The following ERBB4 variants were observed in gnomAD, a reference collection of about 807,000 sequenced individuals.
The protein encoded by ERBB4 is erb-b2 receptor tyrosine kinase 4.
ERBB4 carries 42 observed loss-of-function variants against 158.0 expected under a neutral mutation model. That is an observed-to-expected ratio of 0.27 (90% CI 0.21 to 0.34). ERBB4 has a LOEUF of 0.34. Ranked by LOEUF, ERBB4 falls within the 10% of genes least tolerant of loss-of-function variation. ERBB4 has a pLI of 1.00. For synonymous variants in ERBB4, 583 were observed against 558.7 expected, an observed-to-expected ratio of 1.04 and a Z score of -0.61; for missense variants, 1,333 against 1,624.1, an observed-to-expected ratio of 0.82 and a Z score of 3.08.
intron 1 of ERBB4, among the ~76,000 whole-genome samples, chr2:212,279,890 A>G (rs372447333): frequency 4.0e-5 from 6 of 151,668 alleles, no homozygotes; most frequent in African/African-American, 1.4e-4. Context: ...ATATAGGCCA[A>G]AAATGTTTAA....
intron 2 of ERBB4, among the ~76,000 whole-genome samples, chr2:212,100,601 A>G (rs2079055427): frequency 6.6e-6 from 1 of 152,202 alleles, no homozygotes; most frequent in East Asian, 1.9e-4. Flanking sequence ...GTGCTAAGGT[A>G]CAGGATACAA....
At chr2:212,284,020 T>C (rs2085861872) in intron 1 of ERBB4, among the ~76,000 whole-genome samples, 1 of 150,952 alleles carries the variant, frequency 6.6e-6, no homozygotes, top group South Asian at 2.1e-4. Flanking sequence ...CCAAAATTTT[T>C]TTTCTGGGTA....
chr2:212,349,648 C>G (rs1245852109), intron 1 of ERBB4, among the ~76,000 whole-genome samples: 2 of 151,982 alleles, frequency 1.3e-5, no homozygotes, highest in Non-Finnish European at 2.9e-5. Context: ...CTTTTTATTT[C>G]CTGGATGCAA....
chr2:211,839,846 C>T (rs750783472), intron 3 of ERBB4, among the ~76,000 whole-genome samples: 3 of 151,948 alleles, frequency 2.0e-5, no homozygotes, highest in African/African-American at 4.8e-5. Flanking sequence ...ACAAAAAGAC[C>T]TACTGGGTTA....
chr2:211,717,841 A>G (rs894617746), intron 7 of ERBB4, among the ~76,000 whole-genome samples: 5 of 152,284 alleles, frequency 3.3e-5, no homozygotes, highest in African/African-American at 1.2e-4. Context: ...AAAATAAAAA[A>G]TCTACCCCCC....
At chr2:212,378,260 T>C (rs934809259) in intron 1 of ERBB4, among the ~76,000 whole-genome samples, 2 of 151,892 alleles carry the variant, frequency 1.3e-5, no homozygotes, top group Non-Finnish European at 2.9e-5. Flanking sequence ...AGAGCTGCTT[T>C]GAACAGAATA....
At chr2:212,317,842 T>A (rs200528874) in intron 1 of ERBB4, among the ~76,000 whole-genome samples, 3 of 146,678 alleles carry the variant, frequency 2.0e-5, no homozygotes, top group Non-Finnish European at 3.0e-5. Flanking sequence ...TGAAAAAAAA[T>A]TCTTTAAATA....
At position 211,741,373 on chromosome 2, in the gene ERBB4, T is replaced by C. The variant is rs553435595; in HGVS notation, c.622+9266A>G. 2.6e-5 allele frequency among the ~76,000 whole-genome samples: 4 copies of C among 151,982 alleles called. No individual in the cohort carries two copies. The East Asian group carries it at 5.8e-4, about 22-fold the overall frequency. On this transcript the variant is annotated intron_variant, in intron 5 of 27. Transcript: ENST00000342788. ...TTCTGATCCCTCTGCTTAGAATAGC[T>C]ATCTGCACAACACCCCACAGTTTCC...
intron 1 of ERBB4, among the ~76,000 whole-genome samples, chr2:212,308,047 CAA>C (rs1000142532): frequency 6.7e-6 from 1 of 150,300 alleles, no homozygotes; most frequent in Admixed American, 6.7e-5. Flanking sequence ...TAATTCTCTC[CAA>C]AAAAAATTCC....
intron 3 of ERBB4, among the ~76,000 whole-genome samples, chr2:211,896,543 T>A (rs2079102699): frequency 1.3e-5 from 2 of 152,164 alleles, no homozygotes; most frequent in Admixed American, 6.5e-5. Context: ...TGGATTTCTT[T>A]ATTTCTACCT....
intron 1 of ERBB4, among the ~76,000 whole-genome samples, chr2:212,366,384 T>C (rs990914818): frequency 4.6e-5 from 7 of 151,960 alleles, no homozygotes; most frequent in African/African-American, 1.7e-4. Context: ...TCACAGAGGA[T>C]ATAAAAATTA....
intron 2 of ERBB4, among the ~76,000 whole-genome samples, chr2:212,021,909 A>G (rs1381108475): frequency 6.6e-6 from 1 of 152,218 alleles, no homozygotes; most frequent in Non-Finnish European, 1.5e-5. Flanking sequence ...TGGCCAAGAA[A>G]CATACGAAGA....
intron 1 of ERBB4, among the ~76,000 whole-genome samples, chr2:212,523,327 T>C (rs1347361462): frequency 6.6e-6 from 1 of 151,950 alleles, no homozygotes; most frequent in African/African-American, 2.4e-5. Flanking sequence ...TGCCTAACTA[T>C]GTTCCCACCT....
At chr2:212,303,073 G>A (rs1466500887) in intron 1 of ERBB4, among the ~76,000 whole-genome samples, 1 of 150,984 alleles carries the variant, frequency 6.6e-6, no homozygotes, top group East Asian at 2.0e-4. Context: ...ATTTTCTTAG[G>A]TGGAGGAAGA....
chr2:211,394,517 A>G (rs1410643689), intron 25 of ERBB4, among the ~76,000 whole-genome samples: 1 of 152,186 alleles, frequency 6.6e-6, no homozygotes, highest in Non-Finnish European at 1.5e-5. Context: ...GAAAACTTCT[A>G]GGAGTTTCTC....
At chr2:212,521,110 T>C (rs1248870248) in intron 1 of ERBB4, among the ~76,000 whole-genome samples, 2 of 151,942 alleles carry the variant, frequency 1.3e-5, no homozygotes, top group Admixed American at 1.3e-4. Context: ...TTGTGTCCTA[T>C]ATTGAAGTTT....
chr2:212,023,918 T>A (rs2076715048), intron 2 of ERBB4, among the ~76,000 whole-genome samples: 1 of 150,596 alleles, frequency 6.6e-6, no homozygotes, highest in Non-Finnish European at 1.5e-5. Flanking sequence ...ACACACAAAA[T>A]ATTGGCTTTT....
At chr2:212,519,251 T>G (rs1027569765) in intron 1 of ERBB4, among the ~76,000 whole-genome samples, 2 of 152,032 alleles carry the variant, frequency 1.3e-5, no homozygotes, top group Admixed American at 1.3e-4. Flanking sequence ...TTAATTTGAA[T>G]GCTTAAAAAA....
intron 20 of ERBB4, among the ~76,000 whole-genome samples, chr2:211,464,248 C>A (rs2064615194): frequency 6.6e-6 from 1 of 152,124 alleles, no homozygotes; most frequent in Non-Finnish European, 1.5e-5. Context: ...AGCCCAGCAC[C>A]CAAGACAGTG....
Sources: gnomAD v4.1 joint callset for allele counts (sites outside exome capture counted in the v4.1 genomes callset) on GRCh38, gnomAD v4.1.1 for gene constraint, MANE v1.5 for transcripts, NCBI Gene and HGNC (gene_info 2026-07-23, HGNC 2026-07-21) for gene names.